MAF: variants seen among roughly 807,000 people sequenced by gnomAD.
The protein encoded by MAF is MAF bZIP transcription factor.
Under a neutral mutation model 22.0 loss-of-function variants are expected in MAF, and 10 were observed. That is an observed-to-expected ratio of 0.45 (90% CI 0.28 to 0.77). The LOEUF (loss-of-function observed/expected upper bound fraction) is 0.77, where lower values mean the gene tolerates loss of function less well. MAF is among the 30% of genes least tolerant of loss of function. The pLI is 0.12. For missense variants in MAF, 544 were observed against 548.4 expected (o/e 0.99, Z 0.08); for synonymous variants, 337 against 255.8 (o/e 1.32, Z -3.03).
chr16:79,396,562 A>C, the MAF span, among the ~76,000 whole-genome samples: 1 of 152,332 alleles, frequency 6.6e-6, no homozygotes, highest in East Asian at 1.9e-4. Flanking sequence ...GAATGTTCTG[A>C]TTCAATTCCC....
the MAF span, among the ~76,000 whole-genome samples, chr16:79,424,877 A>G: frequency 2.0e-5 from 3 of 152,242 alleles, no homozygotes; most frequent in Non-Finnish European, 4.4e-5. Context: ...CCCAATATCT[A>G]CATATTTTCA....
chr16:79,205,751 G>A, the MAF span: 1 of 152,182 alleles, frequency 6.6e-6, no homozygotes, highest in Non-Finnish European at 1.5e-5. Flanking sequence ...GGCCTTTGTG[G>A]GAGTCAGTTG....
chr16:79,316,038 ATTG>A, the MAF span, among the ~76,000 whole-genome samples: 2 of 152,130 alleles, frequency 1.3e-5, no homozygotes, highest in Admixed American at 6.5e-5. Flanking sequence ...GTGACTGAGA[ATTG>A]TTGTCATTTT....
chr16:79,473,464 G>A, the MAF span, among the ~76,000 whole-genome samples: 6 of 152,194 alleles, frequency 3.9e-5, no homozygotes, highest in African/African-American at 9.7e-5. Context: ...AACAGCAAGC[G>A]GATGTTGCCC....
At chr16:79,491,502 C>G in the MAF span, among the ~76,000 whole-genome samples, 1 of 152,150 alleles carries the variant, frequency 6.6e-6, no homozygotes, top group Non-Finnish European at 1.5e-5. Flanking sequence ...TGTCACACCA[C>G]TGCCCCATTT....
At chr16:79,328,798 T>G in the MAF span, among the ~76,000 whole-genome samples, 1 of 152,192 alleles carries the variant, frequency 6.6e-6, no homozygotes, top group South Asian at 2.1e-4. Flanking sequence ...CCTCTCTCAA[T>G]TGCTCCAGCC....
chr16:79,253,176 G>C, the MAF span, among the ~76,000 whole-genome samples: 15 of 152,152 alleles, frequency 9.9e-5, no homozygotes, highest in African/African-American at 3.6e-4. Flanking sequence ...CAGCCCTGAC[G>C]CAAGGATGCT....
At chr16:79,426,613 C>T in the MAF span, among the ~76,000 whole-genome samples, 1 of 152,192 alleles carries the variant, frequency 6.6e-6, no homozygotes, top group African/African-American at 2.4e-5. Context: ...CCTGACCAAA[C>T]AGAACACAGA....
At chr16:79,506,816 A>T in the MAF span, among the ~76,000 whole-genome samples, 1 of 152,190 alleles carries the variant, frequency 6.6e-6, no homozygotes, top group Non-Finnish European at 1.5e-5. Context: ...GAGTAGACTC[A>T]AGATGGGGCC....
the MAF span, among the ~76,000 whole-genome samples, chr16:79,225,057 C>A: frequency 6.6e-6 from 1 of 152,308 alleles, no homozygotes; most frequent in East Asian, 1.9e-4. Flanking sequence ...ATAGCCAAGA[C>A]AATCCAAAGC....
the MAF span, among the ~76,000 whole-genome samples, chr16:79,220,074 G>A: frequency 6.6e-6 from 1 of 151,922 alleles, no homozygotes; most frequent in Non-Finnish European, 1.5e-5. Flanking sequence ...TAGCCAACAT[G>A]GTGGAACCCT....
intron 1 of MAF, chr16:79,597,752 G>GA (rs67402322): frequency 1.1e-4 from 110 of 1,008,324 alleles, no homozygotes; most frequent in East Asian, 6.1e-4. Flanking sequence ...AAGCCAAAAG[G>GA]AAAAAAAAAG....
At chr16:79,232,902 A>G in the MAF span, among the ~76,000 whole-genome samples, 18,583 of 139,468 alleles carry the variant, frequency 0.13, 1,389 homozygotes, top group Middle Eastern at 0.25. Context: ...GTGCAGTGGC[A>G]CCATCTTGGC....
the MAF span, among the ~76,000 whole-genome samples, chr16:79,220,762 T>C: frequency 6.6e-6 from 1 of 152,216 alleles, no homozygotes; most frequent in Non-Finnish European, 1.5e-5. Context: ...GCAAGATACT[T>C]TTTCTGTGCT....
At chr16:79,527,010 T>A in the MAF span, among the ~76,000 whole-genome samples, 1 of 152,256 alleles carries the variant, frequency 6.6e-6, no homozygotes, top group Admixed American at 6.5e-5. Flanking sequence ...ATAGAATTTC[T>A]GAAAATTTGA....
chr16:79,475,959 AG>A, the MAF span, among the ~76,000 whole-genome samples: 1 of 152,164 alleles, frequency 6.6e-6, no homozygotes, highest in East Asian at 1.9e-4. Context: ...TAGATAGAAA[AG>A]GTGCAGGGAT....
the MAF span, among the ~76,000 whole-genome samples, chr16:79,549,336 A>G: frequency 1.3e-5 from 2 of 152,176 alleles, no homozygotes; most frequent in East Asian, 1.9e-4. Context: ...GGGAAATGAT[A>G]CAAGGTCAGA....
the MAF span, among the ~76,000 whole-genome samples, chr16:79,330,021 A>T: frequency 6.6e-6 from 1 of 152,146 alleles, no homozygotes; most frequent in African/African-American, 2.4e-5. Context: ...CAAAAATTCA[A>T]CCTTACTGAT....
the MAF span, among the ~76,000 whole-genome samples, chr16:79,428,259 C>T: frequency 1.6e-4 from 25 of 152,226 alleles, no homozygotes; most frequent in South Asian, 6.2e-4. Context: ...CCAGTCTCCC[C>T]TCCAATCTTG....
Sources: allele counts gnomAD v4.1 joint callset (sites outside exome capture counted in the v4.1 genomes callset), GRCh38; gene constraint gnomAD v4.1.1; transcripts MANE v1.5; gene names NCBI Gene and HGNC (gene_info 2026-07-23, HGNC 2026-07-21).